P2RY6: variants seen among roughly 807,000 people sequenced by gnomAD.
The protein encoded by P2RY6 is pyrimidinergic receptor P2Y6.
In P2RY6, 19 loss-of-function variants were observed where a neutral mutation model predicts 16.3. The ratio of observed to expected loss-of-function variants is 1.16; its 90% CI spans 0.81 to 1.71. The LOEUF (loss-of-function observed/expected upper bound fraction) is 1.71, where lower values mean the gene tolerates loss of function less well. P2RY6 is among the 40% of genes most tolerant of loss of function. The probability of loss-of-function intolerance (pLI) is 0.00; values close to 1 mark genes in which losing one functional copy is unlikely to be tolerated. For synonymous variants in P2RY6, 184 were observed against 201.5 expected, an observed-to-expected ratio of 0.91 and a Z score of 0.74; for missense variants, 389 against 455.5, an observed-to-expected ratio of 0.85 and a Z score of 1.33.
At position 73,296,655 on chromosome 11, in the gene P2RY6, G is replaced by C. The variant is rs777395141; in HGVS notation, c.137G>C (p.Cys46Ser). 9 of 1,614,166 alleles carry C rather than the reference G, an allele frequency of 5.6e-6. No homozygotes were observed. In the Admixed American group the frequency reaches 1.5e-4, roughly 27 times the overall value. ...VLAAGLPLNI[C>S]VITQICTSRR... ...GCGGCTGGCCTGCCGCTGAACATCT[G>C]TGTCATTACCCAGATCTGCACGTCC... Residue 46 changes from cysteine (C) to serine (S), a missense_variant, in exon 3 of 3, where the codon TGT becomes TCT. Coordinates refer to ENST00000540124, the MANE Select transcript of P2RY6 (RefSeq NM_001277204.2).
chr11:73,264,535 T>TG (rs1178881183), exon 1 of P2RY6: 1 of 152,384 alleles, frequency 6.6e-6, no homozygotes, highest in Non-Finnish European at 1.5e-5. Flanking sequence ...CCAGGGACGC[T>TG]GGGGCCGGAG....
At chr11:73,290,812 G>C (rs1052997309) in intron 1 of P2RY6, among the ~76,000 whole-genome samples, 1 of 152,188 alleles carries the variant, frequency 6.6e-6, no homozygotes, top group Non-Finnish European at 1.5e-5. Context: ...CCTCCTCTAG[G>C]CCTAGCCAGG....
rs761880292 is a variant in P2RY6, at chr11:73,297,020, A to G, written c.502A>G (p.Thr168Ala). The G allele has an allele frequency of 1.9e-6, 3 of 1,600,838 alleles. No homozygotes were observed. The highest frequency in any genetic ancestry group is 2.2e-5 in the South Asian group (2 of 91,086). The change falls in exon 3 of 3, where the codon ACA (threonine) becomes GCA (alanine). Residue 168 changes from threonine to alanine, a missense_variant. Transcript: ENST00000540124. ...CCTGCCCACAGCCATCTTCGCTGCC[A>G]CAGGCATCCAGCGTAACCGCACTGT... ...QCLPTAIFAATGIQRNRTVCY... is the reference protein window; with the variant it reads ...QCLPTAIFAAAGIQRNRTVCY...
At position 73,287,510 on chromosome 11, in the gene P2RY6, G is replaced by C. The variant is rs569522781; in HGVS notation, c.-120-8220G>C. Among the ~76,000 whole-genome samples, 17 of 152,344 alleles carry C rather than the reference G, an allele frequency of 1.1e-4. No homozygotes were observed. In the South Asian group the frequency reaches 3.3e-3, roughly 30 times the overall value. On this transcript the variant is annotated intron_variant, in intron 1 of 2. Transcript: ENST00000540124. ...GCGTCGTCATCATAAGAGGGGGTCTGGGAACTGGGTGGGAAGAAGCTACAG... is the reference window on the plus strand; with the variant it reads ...GCGTCGTCATCATAAGAGGGGGTCTCGGAACTGGGTGGGAAGAAGCTACAG...
At position 73,296,538 on chromosome 11, in the gene P2RY6, C is replaced by G; in HGVS notation, c.20C>G (p.Thr7Arg). The G allele has an allele frequency of 6.2e-7, 1 of 1,614,022 alleles. No individual in the cohort carries two copies. The highest frequency in any genetic ancestry group is 8.5e-7 in the Non-Finnish European group (1 of 1,179,910). The change falls in exon 3 of 3, where the codon ACA (threonine) becomes AGA (arginine). Residue 7 changes from threonine to arginine, a missense_variant. Physicochemically the swap from Thr to Arg is moderately conservative, Grantham distance 71 (BLOSUM62 -1). Coordinates refer to ENST00000540124, the MANE Select transcript of P2RY6 (RefSeq NM_001277204.2). The part of the protein sequence containing the change: MEWDNG[T>R]GQALGLPPTT... ...GCAGCCATGGAATGGGACAATGGCA[C>G]AGGCCAGGCTCTGGGCTTGCCACCC...
chr11:73,281,648 G>A (rs1188094973), intron 1 of P2RY6, among the ~76,000 whole-genome samples: 1 of 152,208 alleles, frequency 6.6e-6, no homozygotes, highest in African/African-American at 2.4e-5. Flanking sequence ...GTGTCCTCGG[G>A]AACTGTGAAT....
chr11:73,297,375 C>T lies in P2RY6; in HGVS notation c.857C>T (p.Thr286Met), dbSNP rs745917913. 3.1e-5 allele frequency: 50 copies of T among 1,612,098 alleles called. No individual in the cohort carries two copies. Among genetic ancestry groups the T allele is most frequent in the Non-Finnish European group, 4.2e-5 (49 of 1,180,050 alleles). Residue 286 changes from threonine (T) to methionine (M), a missense_variant, in exon 3 of 3, where the codon ACG becomes ATG. Transcript: ENST00000540124. ...GCCTTTGCAGCGGCCTACAAAGGCA[C>T]GCGGCCGTTTGCCAGTGCCAACAGC... is the stretch of plus-strand genomic sequence containing the variant. The part of the protein sequence containing the change: ...LEAFAAAYKG[T>M]RPFASANSVL...
At chr11:73,295,527 T>C (rs1406624057) in intron 1 of P2RY6, among the ~76,000 whole-genome samples, 1 of 152,198 alleles carries the variant, frequency 6.6e-6, no homozygotes, top group Non-Finnish European at 1.5e-5. Context: ...GAGCAGTCCC[T>C]GCCCCTCACT....
chr11:73,294,849 A>G (rs770586131), intron 1 of P2RY6, among the ~76,000 whole-genome samples: 1 of 152,110 alleles, frequency 6.6e-6, no homozygotes, highest in Non-Finnish European at 1.5e-5. Flanking sequence ...GTACTATCTC[A>G]TCTCATTTTA....
intron 1 of P2RY6, among the ~76,000 whole-genome samples, chr11:73,277,425 C>T (rs1008621059): frequency 2.6e-5 from 4 of 152,084 alleles, no homozygotes; most frequent in Admixed American, 1.3e-4. Context: ...CCTGAGATTC[C>T]GATGCAAAAA....
upstream of P2RY6, among the ~76,000 whole-genome samples, chr11:73,269,392 C>T (rs1157101076): frequency 6.6e-6 from 1 of 152,192 alleles, no homozygotes; most frequent in Non-Finnish European, 1.5e-5. Context: ...TATGTAACTG[C>T]TTTTATTCCT....
At chr11:73,280,434 GT>G (rs1398256567) in intron 1 of P2RY6, among the ~76,000 whole-genome samples, 1 of 152,162 alleles carries the variant, frequency 6.6e-6, no homozygotes, top group African/African-American at 2.4e-5. Context: ...CTCCAGCTCT[GT>G]TCACCATCCT....
chr11:73,286,176 G>T (rs549244287), intron 1 of P2RY6, among the ~76,000 whole-genome samples: 1 of 152,256 alleles, frequency 6.6e-6, no homozygotes, highest in Admixed American at 6.5e-5. Context: ...AGCCCTGAGG[G>T]TCCAGAACTC....
At chr11:73,279,750 T>C (rs1157808632) in intron 1 of P2RY6, among the ~76,000 whole-genome samples, 1 of 152,186 alleles carries the variant, frequency 6.6e-6, no homozygotes, top group Non-Finnish European at 1.5e-5. Flanking sequence ...CCTGAACCAA[T>C]CACTGGTGAA....
intron 1 of P2RY6, among the ~76,000 whole-genome samples, chr11:73,277,470 C>A (rs570711326): frequency 6.6e-6 from 1 of 152,178 alleles, no homozygotes. Context: ...GTAATTTGAC[C>A]ACATTTCCAA....
chr11:73,296,457 A>G, intron 2 of P2RY6, 28 bp from the exon 3 acceptor site: 2 of 1,577,030 alleles, frequency 1.3e-6, no homozygotes, highest in Non-Finnish European at 1.7e-6. Context: ...TGAGCATGTC[A>G]CTGACAGGCT....
chr11:73,296,924 C>T lies in P2RY6; in HGVS notation c.406C>T (p.His136Tyr). 6.2e-7 allele frequency: 1 copy of T among 1,608,386 alleles called. No homozygotes were observed. The stretch of plus-strand genomic sequence containing the variant: ...CATCTGCCACCCGCTGGCCCCCTGG[C>T]ACAAACGTGGGGGCCGCCGGGCTGC... The part of the protein sequence containing the change: ...LGICHPLAPW[H>Y]KRGGRRAAWL... The change falls in exon 3 of 3, where the codon CAC becomes TAC. Residue 136 changes from histidine (H) to tyrosine (Y), a missense_variant. Physicochemically the swap from His to Tyr is moderately conservative, Grantham distance 83. Coordinates refer to ENST00000540124, the MANE Select transcript of P2RY6 (RefSeq NM_001277204.2).
chr11:73,289,843 C>T (rs983321721), intron 1 of P2RY6, among the ~76,000 whole-genome samples: 5 of 152,138 alleles, frequency 3.3e-5, no homozygotes, highest in South Asian at 2.1e-4. Flanking sequence ...TTAGTTTCTT[C>T]GTCTATAAAG....
chr11:73,270,892 C>T (rs757756452), upstream of P2RY6, among the ~76,000 whole-genome samples: 1 of 152,100 alleles, frequency 6.6e-6, no homozygotes, highest in Non-Finnish European at 1.5e-5. Context: ...TCCACCTGTC[C>T]GAGGCTGCAG....
Sources: allele counts gnomAD v4.1 joint callset (sites outside exome capture counted in the v4.1 genomes callset), GRCh38; gene constraint gnomAD v4.1.1; transcripts MANE v1.5; gene names NCBI Gene and HGNC (gene_info 2026-07-23, HGNC 2026-07-21).